The following ABCA5 variants were observed in gnomAD, a reference collection of about 807,000 sequenced individuals.
ABCA5 encodes the protein ATP binding cassette subfamily A member 5, also known as cholesterol transporter ABCA5.
In ABCA5, 163 loss-of-function variants were observed where a neutral mutation model predicts 206.0. The observed-to-expected ratio is 0.79, with a 90% CI of 0.70 to 0.90. The LOEUF is 0.90. Among genes scored for constraint, ABCA5 ranks in the 40% least tolerant of loss-of-function variants. The probability of loss-of-function intolerance (pLI) is 0.00; values close to 1 mark genes in which losing one functional copy is unlikely to be tolerated. For synonymous variants in ABCA5, 609 were observed against 613.8 expected, an observed-to-expected ratio of 0.99 and a Z score of 0.11; for missense variants, 1,859 against 1,912.9, an observed-to-expected ratio of 0.97 and a Z score of 0.53.
intron 18 of ABCA5, 33 bp from the exon 19 acceptor site, chr17:69,277,875 T>C: frequency 7.0e-7 from 1 of 1,433,900 alleles, no homozygotes. Flanking sequence ...CATTTCAGTA[T>C]GTTCATTAAA....
In ABCA5 at chr17:69,308,323, C is replaced by T. The variant is rs2075739145; in HGVS notation, c.515G>A (p.Gly172Asp). 1 of 1,611,788 alleles carries T rather than the reference C, an allele frequency of 6.2e-7. No homozygotes were observed. The highest frequency in any genetic ancestry group is 1.1e-5 in the South Asian group (1 of 90,884). Residue 172 changes from glycine to aspartate, a missense_variant, in exon 5 of 39, where the codon GGT (glycine) becomes GAT (aspartate). Coordinates refer to ENST00000392676, the MANE Select transcript of ABCA5 (RefSeq NM_172232.4). Reference protein sequence around the residue: ...SCEAAQYWSSGFTVLQASIDA... With the variant: ...SCEAAQYWSSDFTVLQASIDA... Reference sequence around the variant, plus strand: ...TATGGATGCTTGTAAAACTGTGAAACCTGAGGACCAGTACTGAGCAGCCTC... The same window carrying T: ...TATGGATGCTTGTAAAACTGTGAAATCTGAGGACCAGTACTGAGCAGCCTC...
chr17:69,261,894 CAAGT>C (rs2075152297), intron 24 of ABCA5, 146 bp from the exon 25 acceptor site: 1 of 395,538 alleles, frequency 2.5e-6, no homozygotes, highest in Non-Finnish European at 4.6e-6. Context: ...TTTTTTGTAC[CAAGT>C]AAAATACTAT....
intron 10 of ABCA5, 53 bp from the exon 11 acceptor site, chr17:69,294,766 GTGTT>G: frequency 3.3e-6 from 4 of 1,214,652 alleles, no homozygotes; most frequent in South Asian, 1.4e-5. Flanking sequence ...ATAAGTATGT[GTGTT>G]TATTTACCAT....
Position 69,291,254 on chromosome 17 carries a change from A to G in ABCA5, c.1568T>C (p.Leu523Ser). The part of the protein sequence containing the change: ...LGHSGTGKST[L>S]MNILCGLCPP... ...GCAGAGTCCACAAAGAATATTCATC[A>G]ATGTACTCTTTCCTGTTCCACTGTG... The change falls in exon 12 of 39, where the codon TTG becomes TCG. Residue 523 changes from leucine to serine, a missense_variant. Leu to Ser is a moderately radical substitution (Grantham distance 145). Coordinates refer to ENST00000392676, the MANE Select transcript of ABCA5 (RefSeq NM_172232.4). 6.2e-7 allele frequency: 1 copy of G among 1,610,376 alleles called. No homozygotes were observed. The highest frequency in any genetic ancestry group is 1.1e-5 in the South Asian group (1 of 90,554).
chr17:69,322,232 T>C lies in ABCA5; in HGVS notation c.-16+4820A>G, dbSNP rs187500060. Among the ~76,000 whole-genome samples, 610 of 151,696 alleles carry C rather than the reference T, an allele frequency of 4.0e-3. 7 individuals carry two copies. The highest frequency in any genetic ancestry group is 0.021 in the Middle Eastern group (6 of 292). ...TAAAAATACAAAAATTAGCTGGGTG[T>C]GGTGGCGGGCACCTGTAATCCCAGC... On this transcript the variant is annotated intron_variant, in intron 1 of 38. Transcript: ENST00000392676.
intron 14 of ABCA5, among the ~76,000 whole-genome samples, chr17:69,288,095 A>C (rs1309288821): frequency 1.3e-5 from 2 of 152,118 alleles, no homozygotes; most frequent in Non-Finnish European, 2.9e-5. Flanking sequence ...TTGGAGAAGA[A>C]TATATGGTTT....
At chr17:69,294,488 C>T (rs1398559697) in intron 11 of ABCA5, among the ~76,000 whole-genome samples, 167 bp downstream of exon 11, 2 of 151,952 alleles carry the variant, frequency 1.3e-5, no homozygotes, top group African/African-American at 4.8e-5. Flanking sequence ...CGCCACTGCA[C>T]TATAACCTGG....
Position 69,264,882 on chromosome 17 carries a change from TTTAAG to T in ABCA5, c.3163_3167del (p.Leu1055ThrfsTer17), listed in dbSNP as rs867310480. On this transcript the variant is annotated frameshift_variant, in exon 24 of 39. Coordinates refer to ENST00000392676, the MANE Select transcript of ABCA5 (RefSeq NM_172232.4). LOFTEE classifies it high-confidence loss of function. The stretch of plus-strand genomic sequence containing the variant: ...ATGCAGATGGCAAAAGACCTGAAAG[TTTAAG>T]TTGAGTATAAGCTTTGATCTAAAAA... The T allele has an allele frequency of 1.5e-5, 24 of 1,551,780 alleles. No individual in the cohort carries two copies. Among genetic ancestry groups the T allele is most frequent in the South Asian group, 2.6e-5 (2 of 76,426 alleles).
intron 34 of ABCA5, 24 bp from the exon 35 acceptor site, chr17:69,251,890 AAG>A: frequency 6.2e-7 from 1 of 1,607,912 alleles, no homozygotes; most frequent in Non-Finnish European, 8.5e-7. Flanking sequence ...ATAAAACAAA[AAG>A]AGAGGAACAC....
intron 20 of ABCA5, among the ~76,000 whole-genome samples, chr17:69,272,818 T>C (rs1483165476): frequency 2.0e-5 from 3 of 152,186 alleles, no homozygotes; most frequent in Non-Finnish European, 4.4e-5. Context: ...ACGCACCAGA[T>C]TTTAACAGTG....
chr17:69,283,807 C>T (rs2075421691), intron 18 of ABCA5, 146 bp downstream of exon 18: 1 of 653,066 alleles, frequency 1.5e-6, no homozygotes, highest in Non-Finnish European at 2.1e-6. Flanking sequence ...CTGCATTACT[C>T]CTATCACTAT....
At chr17:69,285,406 T>C (rs955431555) in intron 17 of ABCA5, 1 of 152,136 alleles carries the variant, frequency 6.6e-6, no homozygotes. Flanking sequence ...CATCCTTTTG[T>C]CTATCAAGCA....
chr17:69,298,378 A>G (rs1341679464), intron 9 of ABCA5, among the ~76,000 whole-genome samples: 2 of 142,724 alleles, frequency 1.4e-5, no homozygotes, highest in Non-Finnish European at 3.1e-5. Context: ...TACAGTGGTA[A>G]CTGCCCAGAC....
At chr17:69,284,833 A>T (rs2075432532) in intron 17 of ABCA5, among the ~76,000 whole-genome samples, 1 of 152,216 alleles carries the variant, frequency 6.6e-6, no homozygotes, top group African/African-American at 2.4e-5. Context: ...TGGTATTATT[A>T]GAAAAAGTGC....
At chr17:69,271,081 C>T in intron 21 of ABCA5, 81 bp downstream of exon 21, 1 of 1,485,470 alleles carries the variant, frequency 6.7e-7, no homozygotes, top group Admixed American at 2.5e-5. Context: ...AAGGTCAAAT[C>T]AACAAATAAT....
In ABCA5 at chr17:69,326,141, C is replaced by T. The variant is rs551136977; in HGVS notation, c.-16+911G>A. Among the ~76,000 whole-genome samples, 53 of 152,222 alleles carry T rather than the reference C, an allele frequency of 3.5e-4. No homozygotes were observed. Among genetic ancestry groups the T allele is most frequent in the African/African-American group, 1.3e-3 (53 of 41,498 alleles). The stretch of plus-strand genomic sequence containing the variant: ...AATCTCAACTCCATCCTTTTACTAG[C>T]TGAGACCTTAATAAGTTACTTAACC... On this transcript the variant is annotated intron_variant, in intron 1 of 38. Coordinates refer to ENST00000392676, the MANE Select transcript of ABCA5 (RefSeq NM_172232.4). The surrounding 1 kb of genome is among the most constrained non-coding windows in gnomAD (Gnocchi z 4.8).
At chr17:69,262,437 C>T (rs1389119869) in intron 24 of ABCA5, among the ~76,000 whole-genome samples, 3 of 151,926 alleles carry the variant, frequency 2.0e-5, no homozygotes, top group Non-Finnish European at 4.4e-5. Context: ...ATTTTTATGT[C>T]CATGTTTACC....
chr17:69,263,056 T>C (rs988122010), intron 24 of ABCA5, among the ~76,000 whole-genome samples: 10 of 152,222 alleles, frequency 6.6e-5, no homozygotes, highest in Non-Finnish European at 1.3e-4. Flanking sequence ...TGTCTGTTCA[T>C]ATCTTTTGCC....
intron 1 of ABCA5, among the ~76,000 whole-genome samples, chr17:69,322,189 G>A (rs890587108): frequency 1.3e-5 from 2 of 151,802 alleles, no homozygotes; most frequent in African/African-American, 4.8e-5. Context: ...GGCCAACATG[G>A]TGAAACCCTG....
Sources: gnomAD v4.1 joint callset for allele counts (sites outside exome capture counted in the v4.1 genomes callset) on GRCh38, gnomAD v4.1.1 for gene constraint, Gnocchi (gnomAD v3.1) non-coding constraint, MANE v1.5 for transcripts, NCBI Gene and HGNC (gene_info 2026-07-23, HGNC 2026-07-21) for gene names.